Variants in RAB11FIP4 observed in about 807,000 individuals in gnomAD.
RAB11FIP4 encodes rab11 family-interacting protein 4.
RAB11FIP4 carries 23 observed loss-of-function variants against 74.3 expected under a neutral mutation model. That is an observed-to-expected ratio of 0.31 (90% CI 0.22 to 0.44). The LOEUF (loss-of-function observed/expected upper bound fraction) is 0.44. Ranked by LOEUF, RAB11FIP4 falls within the 20% of genes least tolerant of loss-of-function variation. The pLI, the probability that RAB11FIP4 is intolerant of heterozygous loss-of-function variation, is 1.00. For missense variants in RAB11FIP4, 630 were observed against 863.9 expected, an observed-to-expected ratio of 0.73 and a Z score of 3.39; for synonymous variants, 360 against 359.9, an observed-to-expected ratio of 1.00 and a Z score of 0.00.
chr17:31,442,841 TC>T (rs2071418794), intron 3 of RAB11FIP4, among the ~76,000 whole-genome samples: 1 of 151,630 alleles, frequency 6.6e-6, no homozygotes, highest in African/African-American at 2.4e-5. Flanking sequence ...ATGCCTGTAA[TC>T]CCAGCCTCTC....
chr17:31,488,257 A>T (rs1027333613), intron 3 of RAB11FIP4: 43 of 1,169,668 alleles, frequency 3.7e-5, no homozygotes, highest in Non-Finnish European at 4.4e-5. Flanking sequence ...GCACCCCGCC[A>T]GCTCTCGGGA....
chr17:31,392,125 A>C lies in RAB11FIP4; in HGVS notation c.159+114A>C, dbSNP rs1269167830. Reference sequence around the variant, plus strand: ...GGCCCGAGGCGGTGGCCTCCCTCCCAATCCCCTCCCTCCGCCGGAGCCCAG... The same window carrying C: ...GGCCCGAGGCGGTGGCCTCCCTCCCCATCCCCTCCCTCCGCCGGAGCCCAG... On this transcript the variant is annotated intron_variant, in intron 1 of 14. Coordinates refer to ENST00000621161, the MANE Select transcript of RAB11FIP4 (RefSeq NM_032932.6). The C allele has an allele frequency of 1.5e-5, 10 of 671,332 alleles. No individual in the cohort carries two copies. In the African/African-American group the frequency reaches 3.8e-4, roughly 26 times the overall value. The allele number at this position is 671,332 out of a possible 1,614,324, so 41.6% of individuals were successfully genotyped here. A position where few individuals can be genotyped will look rare whatever the true frequency, so the allele number is the denominator to read the frequency against.
intron 3 of RAB11FIP4, among the ~76,000 whole-genome samples, chr17:31,450,327 A>T (rs893350122): frequency 1.2e-5 from 1 of 82,876 alleles, no homozygotes; most frequent in Non-Finnish European, 2.4e-5. Flanking sequence ...CGGCTTTATT[A>T]TTATTATTAT....
chr17:31,481,166 C>T (rs1246058912), intron 3 of RAB11FIP4, among the ~76,000 whole-genome samples: 1 of 152,188 alleles, frequency 6.6e-6, no homozygotes, highest in Non-Finnish European at 1.5e-5. Context: ...CATGTCAGCA[C>T]CCACTGTTGT....
intron 10 of RAB11FIP4, 155 bp downstream of exon 10, chr17:31,525,385 A>G (rs2072747728): frequency 5.7e-6 from 4 of 703,358 alleles, no homozygotes; most frequent in Non-Finnish European, 2.4e-6. Flanking sequence ...CTTTAATACC[A>G]CGAGAAACAC....
chr17:31,397,992 A>G (rs2070946730), intron 1 of RAB11FIP4, among the ~76,000 whole-genome samples: 1 of 150,882 alleles, frequency 6.6e-6, no homozygotes. Flanking sequence ...CTCCTGCCCC[A>G]GCCTCCCAAG....
chr17:31,424,599 G>A (rs553641129), intron 1 of RAB11FIP4, among the ~76,000 whole-genome samples: 107 of 145,622 alleles, frequency 7.3e-4, no homozygotes, highest in African/African-American at 2.4e-3. Context: ...TTTTTGAGGC[G>A]GAGTCTCGCT....
At chr17:31,398,646 A>G (rs756181879) in intron 1 of RAB11FIP4, among the ~76,000 whole-genome samples, 2 of 152,198 alleles carry the variant, frequency 1.3e-5, no homozygotes, top group East Asian at 3.8e-4. Context: ...ATGAAGTGTG[A>G]CGTTCCCCCT....
chr17:31,439,385 C>T (rs2071388225), intron 3 of RAB11FIP4, among the ~76,000 whole-genome samples: 2 of 152,228 alleles, frequency 1.3e-5, no homozygotes. Context: ...GGAAGCCATC[C>T]ATCCACCTGC....
chr17:31,524,782 A>G, intron 9 of RAB11FIP4: 1 of 439,102 alleles, frequency 2.3e-6, no homozygotes, highest in South Asian at 2.9e-5. Context: ...GCACAAAAAG[A>G]AGAGGTGAGG....
At chr17:31,447,276 A>T (rs1277359835) in intron 3 of RAB11FIP4, among the ~76,000 whole-genome samples, 1 of 151,864 alleles carries the variant, frequency 6.6e-6, no homozygotes, top group Non-Finnish European at 1.5e-5. Context: ...AGAGCGTGAG[A>T]CTCCGTCTCA....
chr17:31,483,275 T>G (rs2071869168), intron 3 of RAB11FIP4, among the ~76,000 whole-genome samples: 1 of 149,240 alleles, frequency 6.7e-6, no homozygotes, highest in South Asian at 2.1e-4. Context: ...CCTGCTAAGA[T>G]GGACCAGGTT....
chr17:31,519,662 A>G (rs2072626312), intron 4 of RAB11FIP4, among the ~76,000 whole-genome samples: 1 of 152,242 alleles, frequency 6.6e-6, no homozygotes, highest in African/African-American at 2.4e-5. Flanking sequence ...GTTGAACCAC[A>G]TGAAATTGAC....
At chr17:31,522,227 C>T (rs2072681105) in intron 6 of RAB11FIP4, 133 bp from the exon 7 acceptor site, 1 of 1,274,686 alleles carries the variant, frequency 7.8e-7, no homozygotes, top group Non-Finnish European at 1.1e-6. Flanking sequence ...TTCTCAGGAC[C>T]AAGCTGACTA....
At chr17:31,440,848 G>A (rs961569955) in intron 3 of RAB11FIP4, among the ~76,000 whole-genome samples, 3 of 152,228 alleles carry the variant, frequency 2.0e-5, no homozygotes, top group African/African-American at 7.2e-5. Flanking sequence ...CAGCCTTTTT[G>A]TCAAGCTCTA....
chr17:31,507,820 A>G (rs1361413495), intron 3 of RAB11FIP4, among the ~76,000 whole-genome samples: 1 of 151,524 alleles, frequency 6.6e-6, no homozygotes, highest in African/African-American at 2.4e-5. Context: ...GTTTTGTTTT[A>G]TTTTATTTTA....
intron 3 of RAB11FIP4, among the ~76,000 whole-genome samples, chr17:31,440,531 G>T (rs578215165): frequency 6.6e-6 from 1 of 152,230 alleles, no homozygotes; most frequent in Admixed American, 6.5e-5. Flanking sequence ...CACTTTGGGA[G>T]GCCAAGGCAG....
At chr17:31,398,524 T>G (rs1308167685) in intron 1 of RAB11FIP4, among the ~76,000 whole-genome samples, 1 of 151,998 alleles carries the variant, frequency 6.6e-6, no homozygotes, top group Non-Finnish European at 1.5e-5. Context: ...CATATAGACC[T>G]GAGTAGGGGG....
chr17:31,517,934 C>A, intron 4 of RAB11FIP4, 57 bp downstream of exon 4: 1 of 1,386,738 alleles, frequency 7.2e-7, no homozygotes, highest in South Asian at 1.3e-5. Flanking sequence ...AAATGTGGTT[C>A]TTGGAAAGTG....
Sources: allele counts gnomAD v4.1 joint callset (sites outside exome capture counted in the v4.1 genomes callset), GRCh38; gene constraint gnomAD v4.1.1; transcripts MANE v1.5; gene names NCBI Gene and HGNC (gene_info 2026-07-23, HGNC 2026-07-21).